COL4A2: variants seen among roughly 807,000 people sequenced by gnomAD.
The protein encoded by COL4A2 is collagen alpha-2(IV) chain.
Under a neutral mutation model 200.2 loss-of-function variants are expected in COL4A2, and 99 were observed. The observed-to-expected ratio is 0.49, with a 90% CI of 0.42 to 0.58. The LOEUF (loss-of-function observed/expected upper bound fraction) is 0.58. Ranked by LOEUF, COL4A2 falls within the 20% of genes least tolerant of loss-of-function variation. The pLI is 0.00. For missense variants in COL4A2, 1,950 were observed against 2,314.1 expected (o/e 0.84, Z 3.23); for synonymous variants, 897 against 900.6 (o/e 1.00, Z 0.07).
intron 4 of COL4A2, among the ~76,000 whole-genome samples, chr13:110,410,333 G>A (rs9521748): frequency 0.56 from 85,449 of 152,134 alleles, 25,005 homozygotes; most frequent in Non-Finnish European, 0.65. Flanking sequence ...ACATGTTCAC[G>A]GTCAAATGTA....
At chr13:110,451,859 G>A (rs1267703960) in intron 20 of COL4A2, among the ~76,000 whole-genome samples, 3 of 152,222 alleles carry the variant, frequency 2.0e-5, no homozygotes, top group South Asian at 2.1e-4. Flanking sequence ...TCCTGCTTTC[G>A]ATGTTGTGAA....
intron 3 of COL4A2, among the ~76,000 whole-genome samples, chr13:110,353,236 A>T (rs1367346847): frequency 6.6e-6 from 1 of 152,200 alleles, no homozygotes; most frequent in African/African-American, 2.4e-5. Flanking sequence ...CGGAGACTGA[A>T]GTTAAAATAT....
intron 16 of COL4A2, among the ~76,000 whole-genome samples, chr13:110,444,349 T>G (rs1317101641): frequency 6.6e-6 from 1 of 152,244 alleles, no homozygotes; most frequent in Admixed American, 6.5e-5. Context: ...CTGGCCAGTC[T>G]GTGGCTGTGC....
chr13:110,473,179 C>T (rs763573561), intron 29 of COL4A2, 29 bp downstream of exon 29: 4 of 1,546,624 alleles, frequency 2.6e-6, no homozygotes, highest in South Asian at 2.4e-5. Flanking sequence ...AGCCGGGGGC[C>T]CCATCCCAGA....
At chr13:110,332,823 T>A (rs1030128043) in intron 3 of COL4A2, among the ~76,000 whole-genome samples, 1 of 152,228 alleles carries the variant, frequency 6.6e-6, no homozygotes. Flanking sequence ...ATCAACAGTA[T>A]TCTCAAATGC....
chr13:110,425,324 T>C (rs1174702400), intron 6 of COL4A2, among the ~76,000 whole-genome samples: 3 of 152,198 alleles, frequency 2.0e-5, no homozygotes, highest in African/African-American at 7.2e-5. Context: ...TAGAGCAACC[T>C]GCATATAAAG....
intron 4 of COL4A2, among the ~76,000 whole-genome samples, chr13:110,412,049 T>C (rs1289791726): frequency 7.2e-5 from 11 of 152,184 alleles, no homozygotes; most frequent in Non-Finnish European, 1.5e-4. Flanking sequence ...GGGTCAAAGC[T>C]AATAACCTGA....
chr13:110,414,920 T>C lies in COL4A2; in HGVS notation c.181-9814T>C, dbSNP rs1016519548. ...GCCGTGTTTCTCTTTAGTTTCTGTATGGTAGAATTTTTTTTGTTAATTATC... is the reference window on the plus strand; with the variant it reads ...GCCGTGTTTCTCTTTAGTTTCTGTACGGTAGAATTTTTTTTGTTAATTATC... On this transcript the variant is annotated intron_variant, in intron 4 of 47. Coordinates refer to ENST00000360467, the MANE Select transcript of COL4A2 (RefSeq NM_001846.4). Among the ~76,000 whole-genome samples the C allele has an allele frequency of 2.0e-5, 3 of 152,256 alleles. No individual in the cohort carries two copies. In the East Asian group the frequency reaches 5.8e-4, roughly 29 times the overall value.
chr13:110,452,896 G>T (rs960455904), intron 20 of COL4A2, among the ~76,000 whole-genome samples: 15 of 152,048 alleles, frequency 9.9e-5, no homozygotes, highest in Non-Finnish European at 1.8e-4. Flanking sequence ...TTGAGCAGCT[G>T]GGATTACAGG....
At chr13:110,367,162 G>A (rs143928038) in intron 4 of COL4A2, among the ~76,000 whole-genome samples, 40 of 152,332 alleles carry the variant, frequency 2.6e-4, no homozygotes, top group African/African-American at 6.0e-4. Context: ...CACTGTGAGC[G>A]TGTGAAAAAT....
At chr13:110,335,324 T>C (rs995305606) in intron 3 of COL4A2, among the ~76,000 whole-genome samples, 1 of 152,162 alleles carries the variant, frequency 6.6e-6, no homozygotes, top group African/African-American at 2.4e-5. Flanking sequence ...AATTCCCACA[T>C]GTTTTGAAAG....
chr13:110,462,503 GCTGCTCATT>G (rs908141502), intron 24 of COL4A2, 119 bp downstream of exon 24: 5 of 910,588 alleles, frequency 5.5e-6, no homozygotes, highest in African/African-American at 1.6e-5. Flanking sequence ...CATAGGACAG[GCTGCTCATT>G]CTGCTCATTC....
chr13:110,423,805 G>C (rs570536838), intron 4 of COL4A2, among the ~76,000 whole-genome samples: 1 of 152,258 alleles, frequency 6.6e-6, no homozygotes, highest in South Asian at 2.1e-4. Context: ...CATATAAGGG[G>C]CCTCTATACA....
intron 3 of COL4A2, among the ~76,000 whole-genome samples, chr13:110,321,227 C>T (rs9559768): frequency 0.33 from 36,911 of 112,228 alleles, 5,082 homozygotes; most frequent in Middle Eastern, 0.48. Flanking sequence ...TATATATATA[C>T]ACACACACAC....
chr13:110,445,443 G>A (rs1881286399), intron 16 of COL4A2, among the ~76,000 whole-genome samples: 1 of 152,174 alleles, frequency 6.6e-6, no homozygotes, highest in African/African-American at 2.4e-5. Flanking sequence ...GGGGTTAGAA[G>A]AACAGATTGT....
intron 16 of COL4A2, among the ~76,000 whole-genome samples, chr13:110,442,391 G>A (rs1721233312): frequency 6.6e-6 from 1 of 152,206 alleles, no homozygotes; most frequent in Admixed American, 6.5e-5. Flanking sequence ...GTGCTTGTGA[G>A]CACCGATCTG....
chr13:110,414,525 G>T (rs1449505748), intron 4 of COL4A2, among the ~76,000 whole-genome samples: 1 of 152,078 alleles, frequency 6.6e-6, no homozygotes, highest in African/African-American at 2.4e-5. Context: ...GACAGGAGAG[G>T]GCCCAAGTGC....
chr13:110,410,669 T>C (rs1318293250), intron 4 of COL4A2, among the ~76,000 whole-genome samples: 2 of 152,360 alleles, frequency 1.3e-5, no homozygotes, highest in South Asian at 4.1e-4. Context: ...CTGATGTTAC[T>C]GTTATATCAG....
intron 3 of COL4A2, among the ~76,000 whole-genome samples, chr13:110,314,664 G>A (rs1039323784): frequency 2.6e-5 from 4 of 152,194 alleles, no homozygotes; most frequent in African/African-American, 7.2e-5. Flanking sequence ...AAGATGGAAG[G>A]GCAGGCTTGT....
Sources: allele counts gnomAD v4.1 joint callset (sites outside exome capture counted in the v4.1 genomes callset), GRCh38; gene constraint gnomAD v4.1.1; transcripts MANE v1.5; gene names NCBI Gene and HGNC (gene_info 2026-07-23, HGNC 2026-07-21).